Variants in WDR72 observed in about 807,000 individuals in gnomAD.
WDR72 encodes the protein WD repeat-containing protein 72.
In WDR72, 120 loss-of-function variants were observed where a neutral mutation model predicts 124.2. The ratio of observed to expected loss-of-function variants is 0.97; its 90% confidence interval spans 0.83 to 1.12. The LOEUF (loss-of-function observed/expected upper bound fraction) is 1.12. Ranked by LOEUF, WDR72 falls within the 50% of genes most tolerant of loss-of-function variation. WDR72 has a pLI of 0.00. For synonymous variants in WDR72, 452 were observed against 441.7 expected (o/e 1.02, Z -0.29); for missense variants, 1,387 against 1,278.8 (o/e 1.08, Z -1.29).
intron 18 of WDR72, among the ~76,000 whole-genome samples, chr15:53,543,833 ATACAAACTACCATCAGAGTAC>A (rs1235856249): frequency 6.6e-6 from 1 of 152,242 alleles, no homozygotes; most frequent in Non-Finnish European, 1.5e-5. Flanking sequence ...TCCCACAGAA[ATACAAACTACCATCAGAGTAC>A]TACAAACACC....
chr15:53,726,333 G>GTGTGTACAC (rs1220198944), intron 2 of WDR72, among the ~76,000 whole-genome samples: 2 of 105,492 alleles, frequency 1.9e-5, no homozygotes, highest in Non-Finnish European at 3.5e-5. Context: ...GAGGGAGACT[G>GTGTGTACAC]TGTGTACACG....
In WDR72 at chr15:53,517,589, A is replaced by C; in HGVS notation, c.*110T>G. 8.7e-7 allele frequency: 1 copy of C among 1,146,694 alleles called. No individual in the cohort carries two copies. The highest frequency in any genetic ancestry group is 2.4e-5 in the East Asian group (1 of 41,910). The allele number at this position is 1,146,694 out of a possible 1,614,324, so 71.0% of individuals were successfully genotyped here. A position where few individuals can be genotyped will look rare whatever the true frequency, so the allele number is the denominator to read the frequency against. ...GCTAAAGTATTAGCAAATCCACTACAGCCTAATAACTTGACCAATAACAAC... is the reference window on the plus strand; with the variant it reads ...GCTAAAGTATTAGCAAATCCACTACCGCCTAATAACTTGACCAATAACAAC... On this transcript the variant is annotated 3_prime_UTR_variant, in exon 20 of 20. Coordinates refer to ENST00000360509, the MANE Select transcript of WDR72 (RefSeq NM_182758.4).
intron 14 of WDR72, among the ~76,000 whole-genome samples, chr15:53,634,793 C>A (rs964275830): frequency 2.0e-5 from 3 of 152,206 alleles, no homozygotes; most frequent in Admixed American, 1.3e-4. Context: ...AGTAAGTTGA[C>A]CTTGCACTTT....
chr15:53,659,486 C>T (rs187010035), intron 14 of WDR72, among the ~76,000 whole-genome samples: 27 of 152,142 alleles, frequency 1.8e-4, no homozygotes, highest in African/African-American at 2.2e-4. Context: ...TGAGGAAATT[C>T]GGAGTTGCTT....
intron 13 of WDR72, among the ~76,000 whole-genome samples, chr15:53,699,205 AATCTTTAGTT>A (rs2017092861): frequency 6.6e-6 from 1 of 152,088 alleles, no homozygotes; most frequent in Non-Finnish European, 1.5e-5. Flanking sequence ...TATTACTCTC[AATCTTTAGTT>A]ATTTAGTAAT....
At chr15:53,530,041 A>AT (rs914909837) in intron 18 of WDR72, among the ~76,000 whole-genome samples, 4 of 151,316 alleles carry the variant, frequency 2.6e-5, no homozygotes, top group African/African-American at 4.9e-5. Context: ...TTGGAAAACC[A>AT]TTTTTTGTGG....
At chr15:53,693,530 T>C (rs1034987370) in intron 13 of WDR72, among the ~76,000 whole-genome samples, 5 of 152,194 alleles carry the variant, frequency 3.3e-5, no homozygotes, top group African/African-American at 1.2e-4. Flanking sequence ...TTTCTTTATA[T>C]TTTTATCTTT....
At chr15:53,575,498 A>G (rs1201425471) in intron 18 of WDR72, among the ~76,000 whole-genome samples, 3 of 152,174 alleles carry the variant, frequency 2.0e-5, no homozygotes, top group Non-Finnish European at 1.5e-5. Flanking sequence ...CTTTACTACC[A>G]GGTATAAAGA....
chr15:53,567,553 G>A (rs148627345), intron 18 of WDR72, among the ~76,000 whole-genome samples: 314 of 152,150 alleles, frequency 2.1e-3, no homozygotes, highest in African/African-American at 7.2e-3. Flanking sequence ...CGAGAGAGAT[G>A]AGACTGATCT....
At chr15:53,639,160 A>G (rs1180873286) in intron 14 of WDR72, among the ~76,000 whole-genome samples, 3 of 151,974 alleles carry the variant, frequency 2.0e-5, no homozygotes, top group Non-Finnish European at 4.4e-5. Context: ...TCTTTCTTCA[A>G]TGCCTTTCCT....
intron 18 of WDR72, among the ~76,000 whole-genome samples, chr15:53,552,411 G>T (rs1288382300): frequency 6.6e-6 from 1 of 152,118 alleles, no homozygotes; most frequent in Non-Finnish European, 1.5e-5. Context: ...GGACCAACGT[G>T]ACCTTTACTT....
At chr15:53,551,778 A>G (rs2140279997) in intron 18 of WDR72, among the ~76,000 whole-genome samples, 1 of 152,252 alleles carries the variant, frequency 6.6e-6, no homozygotes, top group East Asian at 1.9e-4. Context: ...AAACCCAATA[A>G]AAGGTATCAA....
At chr15:53,609,827 C>A (rs1298657764) in intron 16 of WDR72, among the ~76,000 whole-genome samples, 1 of 118,270 alleles carries the variant, frequency 8.5e-6, no homozygotes, top group Non-Finnish European at 1.8e-5. Flanking sequence ...GGTTCACATC[C>A]ATTTGTGTAC....
At chr15:53,650,973 G>C (rs1595819907) in intron 14 of WDR72, among the ~76,000 whole-genome samples, 1 of 121,444 alleles carries the variant, frequency 8.2e-6, no homozygotes, top group East Asian at 2.6e-4. Flanking sequence ...TACTCCTTTT[G>C]AGTAAAATCG....
rs1279389058 is a variant in WDR72 at position 53,597,012 on chromosome 15, T to G, written c.3148+67A>C. The G allele has an allele frequency of 4.0e-6, 6 of 1,489,026 alleles. No individual in the cohort carries two copies. The Admixed American group carries it at 1.0e-4, about 25-fold the overall frequency. The allele number at this position is 1,489,026 out of a possible 1,614,324, so 92.2% of individuals were successfully genotyped here. A position where few individuals can be genotyped will look rare whatever the true frequency, so the allele number is the denominator to read the frequency against. ...CGAAAATCGTTCAGTTGCACCACCA[T>G]AAGTTGGAGACTATCTATAGTAGAA... On this transcript the variant is annotated intron_variant, in intron 18 of 19. Coordinates refer to ENST00000360509, the MANE Select transcript of WDR72 (RefSeq NM_182758.4).
intron 14 of WDR72, among the ~76,000 whole-genome samples, chr15:53,630,714 C>G (rs1325369470): frequency 6.6e-6 from 1 of 152,156 alleles, no homozygotes. Context: ...CTTCTGCAAT[C>G]TGATAGAGGG....
intron 18 of WDR72, among the ~76,000 whole-genome samples, chr15:53,544,625 C>T (rs1893348173): frequency 1.3e-5 from 2 of 148,180 alleles, no homozygotes; most frequent in Non-Finnish European, 3.0e-5. Context: ...CCTCTCTCAC[C>T]ACTCCTATTC....
Position 53,515,091 on chromosome 15 carries a change from A to ATGTG in WDR72, c.*2607_*2608insCACA, listed in dbSNP as rs1427910109. 7.4e-5 allele frequency: 2 copies of ATGTG among 26,872 alleles called. No homozygotes were observed. Among genetic ancestry groups the ATGTG allele is most frequent in the East Asian group, 2.3e-3 (2 of 886 alleles). The allele number at this position is 26,872 out of a possible 1,614,324, so 1.7% of individuals were successfully genotyped here. A position where few individuals can be genotyped will look rare whatever the true frequency, so the allele number is the denominator to read the frequency against. The stretch of plus-strand genomic sequence containing the variant: ...CACACATATATATGTATGTATACAC[A>ATGTG]CACACACACACACACAAATACATTC... On this transcript the variant is annotated 3_prime_UTR_variant, in exon 20 of 20. Transcript: ENST00000360509.
chr15:53,621,310 A>G (rs1315753455), intron 14 of WDR72, among the ~76,000 whole-genome samples: 1 of 151,786 alleles, frequency 6.6e-6, no homozygotes, highest in African/African-American at 2.4e-5. Flanking sequence ...CCAGAGGAAA[A>G]TAAGTCATTA....
Sources: allele counts gnomAD v4.1 joint callset (sites outside exome capture counted in the v4.1 genomes callset), GRCh38; gene constraint gnomAD v4.1.1; transcripts MANE v1.5; gene names NCBI Gene and HGNC (gene_info 2026-07-23, HGNC 2026-07-21).